The following XXYLT1 variants were observed in gnomAD, a reference collection of about 807,000 sequenced individuals.
The protein encoded by XXYLT1 is UDP-xylose:alpha-xyloside alpha-1,3-xylosyltransferase.
A neutral mutation model predicts 28.9 loss-of-function variants in XXYLT1; 20 were observed. The observed-to-expected ratio is 0.69, with a 90% CI of 0.49 to 1.00. XXYLT1 has a LOEUF of 1.00. Ranked by LOEUF, XXYLT1 falls within the 50% of genes least tolerant of loss-of-function variation. XXYLT1 has a pLI of 0.00. For missense variants in XXYLT1, 542 were observed against 560.1 expected, an observed-to-expected ratio of 0.97 and a Z score of 0.33; for synonymous variants, 257 against 253.8, an observed-to-expected ratio of 1.01 and a Z score of -0.12.
chr3:195,108,035 G>A (rs1382706261), intron 3 of XXYLT1, among the ~76,000 whole-genome samples: 2 of 152,146 alleles, frequency 1.3e-5, no homozygotes, highest in Non-Finnish European at 2.9e-5. Flanking sequence ...AGAAGTGGCT[G>A]GAAACCTCCC....
chr3:195,228,486 CTTTTTTT>C lies in XXYLT1; in HGVS notation c.505-1637_505-1631del, dbSNP rs897820464. 8.3e-5 allele frequency among the ~76,000 whole-genome samples: 10 copies of C among 120,180 alleles called. No individual in the cohort carries two copies. In the East Asian group the frequency reaches 1.3e-3, roughly 15 times the overall value. 78.8% of individuals were successfully genotyped at this position (120,180 alleles called of 152,430 possible). A position where few individuals can be genotyped will look rare whatever the true frequency, so the allele number is the denominator to read the frequency against. On this transcript the variant is annotated intron_variant, in intron 1 of 3. Transcript: ENST00000310380. Reference sequence around the variant, plus strand: ...GGTTCTGCTTTTGGCCTATATTTCACTTTTTTTTTTTTTTTTTTTTTTGAGATGGAGT... The same window carrying C: ...GGTTCTGCTTTTGGCCTATATTTCACTTTTTTTTTTTTTTTGAGATGGAGT...
intron 1 of XXYLT1, among the ~76,000 whole-genome samples, chr3:195,263,217 TC>T (rs755339884): frequency 6.6e-6 from 1 of 152,324 alleles, no homozygotes. Flanking sequence ...ACTCTGAGAA[TC>T]CCCTACTGCA....
chr3:195,102,229 T>C (rs1716830619), intron 3 of XXYLT1, among the ~76,000 whole-genome samples: 1 of 152,224 alleles, frequency 6.6e-6, no homozygotes, highest in South Asian at 2.1e-4. Flanking sequence ...ATGGTTACAA[T>C]AGTCAAGCAA....
chr3:195,071,330 G>A (rs966297858), intron 3 of XXYLT1, among the ~76,000 whole-genome samples: 3 of 152,200 alleles, frequency 2.0e-5, no homozygotes, highest in African/African-American at 7.2e-5. Context: ...GATAGGATCT[G>A]CGTGATGAAG....
At chr3:195,109,760 T>G in intron 3 of XXYLT1, among the ~76,000 whole-genome samples, 1 of 21,076 alleles carries the variant, frequency 4.7e-5, no homozygotes, top group African/African-American at 1.0e-4. Flanking sequence ...TGTATGTGAG[T>G]GTGGGGCTGG....
intron 2 of XXYLT1, among the ~76,000 whole-genome samples, chr3:195,165,289 A>G (rs1450941798): frequency 6.6e-6 from 1 of 152,116 alleles, no homozygotes; most frequent in African/African-American, 2.4e-5. Flanking sequence ...GGGTTTCCTC[A>G]GCCTCCTCCA....
At chr3:195,252,788 AAC>A (rs1352497884) in intron 1 of XXYLT1, among the ~76,000 whole-genome samples, 1 of 151,646 alleles carries the variant, frequency 6.6e-6, no homozygotes. Context: ...GTGTGAAAAA[AAC>A]AGAAACTCAC....
At chr3:195,242,804 T>C (rs1388429098) in intron 1 of XXYLT1, among the ~76,000 whole-genome samples, 1 of 152,056 alleles carries the variant, frequency 6.6e-6, no homozygotes, top group African/African-American at 2.4e-5. Context: ...TATCTGGAGG[T>C]GGCCATAACA....
chr3:195,114,703 G>A (rs1717952251), intron 3 of XXYLT1, among the ~76,000 whole-genome samples: 1 of 152,246 alleles, frequency 6.6e-6, no homozygotes, highest in South Asian at 2.1e-4. Context: ...GTAGAAGGCA[G>A]CGCGGCTTTG....
At chr3:195,137,551 T>A (rs577288897) in intron 3 of XXYLT1, among the ~76,000 whole-genome samples, 2 of 152,308 alleles carry the variant, frequency 1.3e-5, no homozygotes, top group East Asian at 3.9e-4. Context: ...AGAAGGTGAT[T>A]CCTTCCTGCA....
intron 2 of XXYLT1, among the ~76,000 whole-genome samples, chr3:195,212,334 G>A (rs1017753036): frequency 4.6e-5 from 7 of 152,186 alleles, no homozygotes; most frequent in African/African-American, 1.7e-4. Context: ...GGAAGAAAAG[G>A]GCCTTGCCCA....
chr3:195,190,369 C>CAGGCTTGGTAG (rs1722366644), intron 2 of XXYLT1, among the ~76,000 whole-genome samples: 1 of 151,870 alleles, frequency 6.6e-6, no homozygotes, highest in Non-Finnish European at 1.5e-5. Context: ...GTGGCGTGCA[C>CAGGCTTGGTAG]CTGTAGTCTC....
intron 2 of XXYLT1, among the ~76,000 whole-genome samples, chr3:195,166,580 T>C (rs527295466): frequency 6.6e-6 from 1 of 152,342 alleles, no homozygotes; most frequent in South Asian, 2.1e-4. Flanking sequence ...TGGCCCCGGA[T>C]TGCATGTAGT....
chr3:195,170,357 A>G (rs192234353), intron 2 of XXYLT1, among the ~76,000 whole-genome samples: 57 of 152,316 alleles, frequency 3.7e-4, no homozygotes, highest in Admixed American at 6.5e-4. Flanking sequence ...GTCAATGTGC[A>G]TGAGATTTAA....
At chr3:195,193,534 G>A (rs2108754778) in intron 2 of XXYLT1, among the ~76,000 whole-genome samples, 1 of 152,226 alleles carries the variant, frequency 6.6e-6, no homozygotes, top group Admixed American at 6.5e-5. Flanking sequence ...AGAAATTGAT[G>A]AATTGATCCT....
At chr3:195,216,029 C>T (rs28810673) in intron 2 of XXYLT1, among the ~76,000 whole-genome samples, 1 of 151,070 alleles carries the variant, frequency 6.6e-6, no homozygotes, top group African/African-American at 2.4e-5. Flanking sequence ...CACTCAAAAC[C>T]GCTCAACTAC....
chr3:195,102,929 A>G (rs547655886), intron 3 of XXYLT1, among the ~76,000 whole-genome samples: 2 of 152,246 alleles, frequency 1.3e-5, no homozygotes, highest in East Asian at 3.9e-4. Flanking sequence ...ATTCCTACCA[A>G]CGGTGCAGCG....
intron 3 of XXYLT1, among the ~76,000 whole-genome samples, chr3:195,110,338 T>TATAA (rs1560100866): frequency 2.9e-5 from 1 of 34,654 alleles, no homozygotes; most frequent in Non-Finnish European, 6.6e-5. Context: ...GGTGTGTGTA[T>TATAA]GTGTGTGGTG....
chr3:195,130,413 C>T (rs1196388143), intron 3 of XXYLT1, among the ~76,000 whole-genome samples: 1 of 152,170 alleles, frequency 6.6e-6, no homozygotes, highest in African/African-American at 2.4e-5. Context: ...TGGGGTGGAC[C>T]CTGCTGGTCC....
Sources: allele counts gnomAD v4.1 joint callset (sites outside exome capture counted in the v4.1 genomes callset), GRCh38; gene constraint gnomAD v4.1.1; transcripts MANE v1.5; gene names NCBI Gene and HGNC (gene_info 2026-07-23, HGNC 2026-07-21).